Variants in KIAA1217 observed in about 807,000 individuals in gnomAD.
KIAA1217 encodes sickle tail protein homolog.
KIAA1217 carries 88 observed loss-of-function variants against 163.9 expected under a neutral mutation model. The observed-to-expected ratio is 0.54, with a 90% CI of 0.45 to 0.64. KIAA1217 has a LOEUF of 0.64. KIAA1217 is among the 30% of genes least tolerant of loss of function. The pLI is 0.00. For synonymous variants in KIAA1217, 903 were observed against 923.1 expected, an observed-to-expected ratio of 0.98 and a Z score of 0.39; for missense variants, 2,372 against 2,475.0, an observed-to-expected ratio of 0.96 and a Z score of 0.88.
At chr10:23,879,927 G>A (rs1840877395) in intron 1 of KIAA1217, among the ~76,000 whole-genome samples, 1 of 151,882 alleles carries the variant, frequency 6.6e-6, no homozygotes, top group Admixed American at 6.6e-5. Context: ...TGACAGCATG[G>A]CCAGTTGCTC....
At chr10:23,721,906 C>T (rs1411903219) in intron 1 of KIAA1217, among the ~76,000 whole-genome samples, 1 of 151,992 alleles carries the variant, frequency 6.6e-6, no homozygotes, top group Non-Finnish European at 1.5e-5. Context: ...TCCTATCTTT[C>T]TTGCTTTTAC....
At chr10:23,818,070 T>TACGC (rs1554802126) in intron 1 of KIAA1217, among the ~76,000 whole-genome samples, 4 of 124,244 alleles carry the variant, frequency 3.2e-5, no homozygotes, top group African/African-American at 1.3e-4. Context: ...CATATATATA[T>TACGC]ACACACACAC....
At chr10:24,085,091 T>A (rs1388116839) in intron 2 of KIAA1217, among the ~76,000 whole-genome samples, 1 of 151,940 alleles carries the variant, frequency 6.6e-6, no homozygotes, top group African/African-American at 2.4e-5. Flanking sequence ...TTTTTTTGTA[T>A]TTTTAGTAGA....
intron 3 of KIAA1217, among the ~76,000 whole-genome samples, chr10:24,419,357 TTTTC>T (rs1352153716): frequency 6.6e-6 from 1 of 152,078 alleles, no homozygotes; most frequent in African/African-American, 2.4e-5. Flanking sequence ...TTAAAATGAT[TTTTC>T]TTTAATTTTT....
intron 2 of KIAA1217, among the ~76,000 whole-genome samples, chr10:24,279,070 C>T (rs2077612041): frequency 6.6e-6 from 1 of 152,018 alleles, no homozygotes; most frequent in Admixed American, 6.6e-5. Flanking sequence ...GAACTCCCAA[C>T]CTCAGGTGAT....
chr10:24,543,290 T>C lies in KIAA1217; in HGVS notation c.4020T>C (p.Val1340=). Residue 1340 remains valine (V), a synonymous_variant, in exon 19 of 21, where the codon GTT becomes GTC. Transcript: ENST00000376454. ...ATTTTAAAACAGAAGATCAAGAGGT[T>C]ATCACGACAGATTTTGGCCAAGTTG... ...VHDFKTEDQE[V]ITTDFGQVVL... 2 of 1,614,088 alleles carry C rather than the reference T, an allele frequency of 1.2e-6. No homozygotes were observed. The highest frequency in any genetic ancestry group is 1.7e-6 in the Non-Finnish European group (2 of 1,180,012).
At chr10:24,405,221 T>C (rs940660882) in intron 3 of KIAA1217, among the ~76,000 whole-genome samples, 4 of 152,162 alleles carry the variant, frequency 2.6e-5, no homozygotes, top group East Asian at 1.9e-4. Flanking sequence ...TGCCCTATAG[T>C]TATATAATTG....
At chr10:23,751,192 T>A (rs1013478372) in intron 1 of KIAA1217, among the ~76,000 whole-genome samples, 3 of 152,032 alleles carry the variant, frequency 2.0e-5, no homozygotes, top group Admixed American at 2.0e-4. Context: ...CTTGCCGGGC[T>A]GAATTTTTTA....
At chr10:23,845,366 A>G (rs911533398) in intron 1 of KIAA1217, among the ~76,000 whole-genome samples, 1 of 152,120 alleles carries the variant, frequency 6.6e-6, no homozygotes, top group South Asian at 2.1e-4. Context: ...GTGTAAAAGC[A>G]TTCCTATTTC....
intron 1 of KIAA1217, among the ~76,000 whole-genome samples, chr10:23,984,097 A>C (rs1339865301): frequency 6.6e-6 from 1 of 152,236 alleles, no homozygotes; most frequent in African/African-American, 2.4e-5. Flanking sequence ...CATAGGTAAA[A>C]GAATATTCTT....
At chr10:24,066,454 A>G (rs1443884923) in intron 2 of KIAA1217, among the ~76,000 whole-genome samples, 2 of 152,146 alleles carry the variant, frequency 1.3e-5, no homozygotes, top group Admixed American at 1.3e-4. Flanking sequence ...TTTCTTTAAT[A>G]ATGTTGAATA....
chr10:23,933,006 T>C (rs896543716), intron 1 of KIAA1217, among the ~76,000 whole-genome samples: 3 of 152,238 alleles, frequency 2.0e-5, no homozygotes, highest in African/African-American at 7.2e-5. Context: ...ATTGGTTGAT[T>C]AGCTAGAACT....
chr10:23,980,149 G>T (rs369714189), intron 1 of KIAA1217, among the ~76,000 whole-genome samples: 1 of 152,010 alleles, frequency 6.6e-6, no homozygotes, highest in Non-Finnish European at 1.5e-5. Context: ...GTTTTGGTCT[G>T]TCCCTTTCAG....
chr10:23,873,716 C>G (rs1286514806), intron 1 of KIAA1217, among the ~76,000 whole-genome samples: 1 of 151,962 alleles, frequency 6.6e-6, no homozygotes, highest in Non-Finnish European at 1.5e-5. Context: ...CTCTTTCCCT[C>G]TGTCTCACTC....
intron 16 of KIAA1217, among the ~76,000 whole-genome samples, 153 bp downstream of exon 16, chr10:24,533,390 A>G (rs2073423425): frequency 6.6e-6 from 1 of 152,234 alleles, no homozygotes; most frequent in South Asian, 2.1e-4. Context: ...TTGCTTTCCC[A>G]AGATGGCGCT....
intron 1 of KIAA1217, among the ~76,000 whole-genome samples, chr10:23,856,324 C>T (rs529000714): frequency 1.6e-3 from 249 of 152,320 alleles, no homozygotes; most frequent in African/African-American, 5.3e-3. Flanking sequence ...TGCAGAACAG[C>T]GGATTTTCGT....
At chr10:23,967,965 A>G (rs1845140007) in intron 1 of KIAA1217, among the ~76,000 whole-genome samples, 1 of 147,878 alleles carries the variant, frequency 6.8e-6, no homozygotes, top group Non-Finnish European at 1.5e-5. Flanking sequence ...TTAAAATTTT[A>G]CTTTAAGTTT....
chr10:24,219,706 A>C lies in KIAA1217; in HGVS notation c.151A>C (p.Asn51His). ...RRTKERLSNG[N>H]SRGSVSKSSR... ...AACCAAGGAACGCCTTTCTAATGGA[A>C]ACAGTCGTGGTTCAGTTTCCAAGTC... is the stretch of plus-strand genomic sequence containing the variant. The change falls in exon 2 of 21, where the codon AAC (asparagine) becomes CAC (histidine). Residue 51 changes from asparagine to histidine, a missense_variant. Physicochemically the swap from Asn to His is moderately conservative, Grantham distance 68 (BLOSUM62 1). Around this residue, in one of 3 missense-constraint regions of KIAA1217, gnomAD observed 1,431 missense variants for 1,470.3 expected, o/e 0.97. Transcript: ENST00000376454. 1.2e-6 allele frequency: 2 copies of C among 1,613,946 alleles called. No homozygotes were observed. Among genetic ancestry groups the C allele is most frequent in the Non-Finnish European group, 1.7e-6 (2 of 1,179,898 alleles).
At chr10:24,104,330 G>T (rs2062537376) in intron 2 of KIAA1217, among the ~76,000 whole-genome samples, 1 of 152,062 alleles carries the variant, frequency 6.6e-6, no homozygotes, top group Admixed American at 6.5e-5. Flanking sequence ...CCATCACTCA[G>T]CACTAAAAAG....
Sources: gnomAD v4.1 joint callset for allele counts (sites outside exome capture counted in the v4.1 genomes callset) on GRCh38, gnomAD v4.1.1 for gene constraint, gnomAD v4.1.1 regional missense constraint, MANE v1.5 for transcripts, NCBI Gene and HGNC (gene_info 2026-07-23, HGNC 2026-07-21) for gene names.